The following ANKRD18A variants were observed in gnomAD, a reference collection of about 807,000 sequenced individuals.
ANKRD18A encodes ankyrin repeat domain-containing protein 18A.
In ANKRD18A, 72 loss-of-function variants were observed where a neutral mutation model predicts 110.6. The ratio of observed to expected loss-of-function variants is 0.65; its 90% confidence interval spans 0.54 to 0.79. The LOEUF (loss-of-function observed/expected upper bound fraction) is 0.79, where lower values mean the gene tolerates loss of function less well. Ranked by LOEUF, ANKRD18A falls within the 30% of genes least tolerant of loss-of-function variation. ANKRD18A has a pLI of 0.00. For missense variants in ANKRD18A, 934 were observed against 1,163.3 expected (o/e 0.80, Z 2.87); for synonymous variants, 305 against 410.3 (o/e 0.74, Z 3.10).
chr9:38,584,778 T>G (rs1393611429), intron 12 of ANKRD18A, among the ~76,000 whole-genome samples: 1 of 152,192 alleles, frequency 6.6e-6, no homozygotes, highest in Admixed American at 6.5e-5. Context: ...CTTAAAGCAC[T>G]GAGAGATTTA....
chr9:38,586,755 G>C (rs1160739089), intron 11 of ANKRD18A, among the ~76,000 whole-genome samples: 1 of 151,940 alleles, frequency 6.6e-6, no homozygotes, highest in Non-Finnish European at 1.5e-5. Context: ...AGTAGAGATG[G>C]GGTTCACCAT....
At chr9:38,595,345 A>C (rs1317263673) in intron 9 of ANKRD18A, 141 bp downstream of exon 9, 1 of 886,490 alleles carries the variant, frequency 1.1e-6, no homozygotes. Context: ...TATTTCCTGG[A>C]TGATTCATGT....
intron 12 of ANKRD18A, among the ~76,000 whole-genome samples, chr9:38,584,707 A>G (rs1824301393): frequency 6.6e-6 from 1 of 152,204 alleles, no homozygotes; most frequent in South Asian, 2.1e-4. Flanking sequence ...ACATACATAT[A>G]TTTTAAAGTA....
In ANKRD18A at chr9:38,571,456, T is replaced by G. The variant is rs1587476221; in HGVS notation, c.*589A>C. The G allele has an allele frequency of 3.5e-6, 2 of 565,854 alleles. No individual in the cohort carries two copies. Among genetic ancestry groups the G allele is most frequent in the East Asian group, 1.2e-4 (2 of 17,288 alleles). 35.1% of individuals were successfully genotyped at this position (565,854 alleles called of 1,614,324 possible). ...TGGCAACCATCACAGTAATACTTGT[T>G]CAAACACAAGTCATCCATGAAATGC... On this transcript the variant is annotated 3_prime_UTR_variant, in exon 16 of 16. Transcript: ENST00000399703.
chr9:38,610,508 G>A (rs1178959431), intron 4 of ANKRD18A, 98 bp from the exon 5 acceptor site: 1 of 1,439,742 alleles, frequency 6.9e-7, no homozygotes, highest in East Asian at 2.5e-5. Flanking sequence ...TTGCCTGTCA[G>A]GATAGACATA....
intron 11 of ANKRD18A, among the ~76,000 whole-genome samples, chr9:38,587,188 G>A (rs1282150224): frequency 1.3e-5 from 2 of 152,158 alleles, no homozygotes; most frequent in Non-Finnish European, 2.9e-5. Context: ...AGAGAGATAT[G>A]TGATGATTTA....
intron 6 of ANKRD18A, chr9:38,604,743 A>C (rs1825277939): frequency 6.6e-6 from 1 of 151,882 alleles, no homozygotes; most frequent in South Asian, 2.1e-4. Flanking sequence ...CGTACTAAGT[A>C]TAATAAATAA....
intron 6 of ANKRD18A, among the ~76,000 whole-genome samples, chr9:38,606,958 C>T (rs1825386657): frequency 6.6e-6 from 1 of 151,960 alleles, no homozygotes; most frequent in South Asian, 2.1e-4. Flanking sequence ...TCCTAAATAA[C>T]TCTGAATTCT....
At chr9:38,619,701 C>T (rs916486229) in intron 1 of ANKRD18A, among the ~76,000 whole-genome samples, 9 of 152,228 alleles carry the variant, frequency 5.9e-5, no homozygotes, top group Admixed American at 5.9e-4. Context: ...TAAGAAGCTC[C>T]AGTAAAGAAC....
At position 38,601,139 on chromosome 9, in the gene ANKRD18A, G is replaced by C; in HGVS notation, c.928C>G (p.Gln310Glu). The change falls in exon 8 of 16, where the codon CAG (glutamine) becomes GAG (glutamate). Residue 310 changes from glutamine (Q) to glutamate (E), a missense_variant. Gln to Glu is a conservative substitution (Grantham distance 29). This residue lies in a region of ANKRD18A where 630 missense variants were observed against 797.5 expected (regional missense o/e 0.79). Transcript: ENST00000399703. ...TTTAAATTGTTACATACCTGTGGCT[G>C]TTTATTTTCACTTCTTTGGAGCCTT... ...QERLQRSENK[Q>E]PQDSQSYGKK... 1 of 1,556,086 alleles carries C rather than the reference G, an allele frequency of 6.4e-7. No individual in the cohort carries two copies. The highest frequency in any genetic ancestry group is 2.4e-5 in the East Asian group (1 of 41,542).
intron 6 of ANKRD18A, among the ~76,000 whole-genome samples, chr9:38,603,636 G>T (rs890059618): frequency 1.1e-4 from 17 of 151,900 alleles, no homozygotes; most frequent in African/African-American, 3.9e-4. Context: ...TGCTTAAATC[G>T]TTCTTGAAAA....
At chr9:38,590,065 A>G (rs7856132) in intron 10 of ANKRD18A, among the ~76,000 whole-genome samples, 39,057 of 151,964 alleles carry the variant, frequency 0.26, 5,507 homozygotes, top group East Asian at 0.45. Context: ...TGTTACTTTG[A>G]GTACAGTGTT....
Position 38,615,183 on chromosome 9 carries a change from C to T in ANKRD18A, c.495+411G>A, listed in dbSNP as rs28728078. ...TTCTATTTTTCCCTGTTAAACCTTGCCCATGAAAGATACATCCATTTTGTT... is the reference window on the plus strand; with the variant it reads ...TTCTATTTTTCCCTGTTAAACCTTGTCCATGAAAGATACATCCATTTTGTT... On this transcript the variant is annotated intron_variant, in intron 3 of 15. Coordinates refer to ENST00000399703, the MANE Select transcript of ANKRD18A (RefSeq NM_147195.4). Among the ~76,000 whole-genome samples the T allele has an allele frequency of 6.1e-3, 922 of 152,266 alleles. 10 individuals carry two copies. The highest frequency in any genetic ancestry group is 0.021 in the African/African-American group (875 of 41,542).
Position 38,596,369 on chromosome 9 carries a change from A to G in ANKRD18A, c.971T>C (p.Met324Thr). The change falls in exon 9 of 16, where the codon ATG (methionine) becomes ACG (threonine). Residue 324 changes from methionine (M) to threonine (T), a missense_variant. Physicochemically the swap from Met to Thr is moderately conservative, Grantham distance 81 (BLOSUM62 -1). Transcript: ENST00000399703. ...TTTCTTCAACATAAAATTTCCATAC[A>G]TCGCATCCTTCTTTTTTCCGTAACT... Reference protein sequence around the residue: ...SQSYGKKKDAMYGNFMLKKDI... With the variant: ...SQSYGKKKDATYGNFMLKKDI... 1 of 1,466,362 alleles carries G rather than the reference A, an allele frequency of 6.8e-7. No homozygotes were observed. The highest frequency in any genetic ancestry group is 9.0e-7 in the Non-Finnish European group (1 of 1,109,508). The allele number at this position is 1,466,362 out of a possible 1,614,324, so 90.8% of individuals were successfully genotyped here.
At chr9:38,600,211 G>A (rs1400659026) in intron 8 of ANKRD18A, among the ~76,000 whole-genome samples, 2 of 152,160 alleles carry the variant, frequency 1.3e-5, no homozygotes, top group Non-Finnish European at 2.9e-5. Context: ...AATTAAATCT[G>A]ACAGAAATAG....
chr9:38,595,281 G>A lies in ANKRD18A; in HGVS notation c.1854+205C>T, dbSNP rs933246200. Among the ~76,000 whole-genome samples, 36 of 152,052 alleles carry A rather than the reference G, an allele frequency of 2.4e-4. No individual in the cohort carries two copies. Among genetic ancestry groups the A allele is most frequent in the East Asian group, 5.8e-4 (3 of 5,162 alleles). ...TAATGCCCATTAGCAGTCACGACCC[G>A]CTTCCAGCCCCAGGCCTACACAAAC... On this transcript the variant is annotated intron_variant, in intron 9 of 15. Transcript: ENST00000399703.
At chr9:38,600,865 G>T (rs967373079) in intron 8 of ANKRD18A, among the ~76,000 whole-genome samples, 5 of 152,150 alleles carry the variant, frequency 3.3e-5, no homozygotes, top group Admixed American at 3.3e-4. Flanking sequence ...TCAGGAAGAA[G>T]ATTATAAAAA....
Position 38,577,940 on chromosome 9 carries a change from A to G in ANKRD18A, c.2456T>C (p.Leu819Pro). 3.1e-6 allele frequency: 5 copies of G among 1,592,502 alleles called. No individual in the cohort carries two copies. Among genetic ancestry groups the G allele is most frequent in the Non-Finnish European group, 4.3e-6 (5 of 1,167,740 alleles). Reference sequence around the variant, plus strand: ...ATCCAGCTCCGATTTATATTCTTGTAGTTTACCAAGTTCTACCATATCTTT... The same window carrying G: ...ATCCAGCTCCGATTTATATTCTTGTGGTTTACCAAGTTCTACCATATCTTT... ...MEKDMVELGKLQEYKSELDER... is the reference protein window; with the variant it reads ...MEKDMVELGKPQEYKSELDER... Residue 819 changes from leucine to proline, a missense_variant, in exon 13 of 16, where the codon CTA becomes CCA. Leu to Pro is a moderately conservative substitution (Grantham distance 98). Around this residue, in one of 4 missense-constraint regions of ANKRD18A, gnomAD observed 223 missense variants for 226.7 expected, o/e 0.98. Transcript: ENST00000399703.
At chr9:38,591,077 C>G (rs961336736) in intron 10 of ANKRD18A, among the ~76,000 whole-genome samples, 2 of 152,142 alleles carry the variant, frequency 1.3e-5, no homozygotes, top group Non-Finnish European at 2.9e-5. Flanking sequence ...CCTCCTACCA[C>G]AGCCTCCAAT....
Sources: allele counts gnomAD v4.1 joint callset (sites outside exome capture counted in the v4.1 genomes callset), GRCh38; gene constraint gnomAD v4.1.1; regional missense constraint gnomAD v4.1.1; transcripts MANE v1.5; gene names NCBI Gene and HGNC (gene_info 2026-07-23, HGNC 2026-07-21).